Variants in SPAG16 observed in about 807,000 individuals in gnomAD.
SPAG16 encodes the protein sperm associated antigen 16.
A neutral mutation model predicts 80.4 loss-of-function variants in SPAG16; 86 were observed. The observed-to-expected ratio is 1.07, with a 90% CI of 0.90 to 1.28. The LOEUF (loss-of-function observed/expected upper bound fraction) is 1.28, where lower values mean the gene tolerates loss of function less well. Among genes scored for constraint, SPAG16 ranks in the 50% most tolerant of loss-of-function variants. SPAG16 has a pLI of 0.00. For synonymous variants in SPAG16, 294 were observed against 265.9 expected, an observed-to-expected ratio of 1.11 and a Z score of -1.03; for missense variants, 870 against 765.3, an observed-to-expected ratio of 1.14 and a Z score of -1.61.
intron 12 of SPAG16, among the ~76,000 whole-genome samples, chr2:213,939,300 C>T (rs1457923459): frequency 2.0e-5 from 3 of 152,158 alleles, no homozygotes; most frequent in Non-Finnish European, 4.4e-5. Context: ...AGACCCTTGC[C>T]CTTGTGGAGC....
chr2:213,375,505 T>A (rs964347543), intron 9 of SPAG16, among the ~76,000 whole-genome samples: 2 of 152,108 alleles, frequency 1.3e-5, no homozygotes, highest in African/African-American at 4.8e-5. Context: ...AAAGGTAGAA[T>A]GAAATAGCAT....
chr2:213,511,874 T>G (rs567615510), intron 10 of SPAG16, among the ~76,000 whole-genome samples: 1 of 151,336 alleles, frequency 6.6e-6, no homozygotes, highest in East Asian at 1.9e-4. Context: ...CAAAAGCATA[T>G]TTTTTTTCAA....
chr2:214,212,938 C>T (rs1442799514), intron 15 of SPAG16, among the ~76,000 whole-genome samples: 1 of 152,218 alleles, frequency 6.6e-6, no homozygotes, highest in African/African-American at 2.4e-5. Context: ...CTCACCTGCC[C>T]GTTAACCTCT....
chr2:214,352,105 A>G (rs892483343), intron 15 of SPAG16, among the ~76,000 whole-genome samples: 35 of 152,166 alleles, frequency 2.3e-4, no homozygotes, highest in African/African-American at 6.0e-4. Flanking sequence ...TAAGGTTCCT[A>G]TTGCCATTCG....
intron 5 of SPAG16, among the ~76,000 whole-genome samples, chr2:213,338,108 G>A (rs1559425284): frequency 1.3e-5 from 2 of 152,152 alleles, no homozygotes; most frequent in African/African-American, 2.4e-5. Context: ...TTCATATCTG[G>A]TCAAACTCAG....
intron 11 of SPAG16, among the ~76,000 whole-genome samples, chr2:213,864,743 A>G (rs2075619235): frequency 6.6e-6 from 1 of 152,104 alleles, no homozygotes; most frequent in African/African-American, 2.4e-5. Flanking sequence ...ATCTTCTGCA[A>G]TGATGACATA....
chr2:213,990,021 G>C (rs1361192312), intron 12 of SPAG16, among the ~76,000 whole-genome samples: 4 of 152,000 alleles, frequency 2.6e-5, no homozygotes, highest in Non-Finnish European at 4.4e-5. Context: ...TATTATTCCT[G>C]AGTGATTTCA....
At chr2:213,919,086 C>A (rs903937615) in intron 11 of SPAG16, among the ~76,000 whole-genome samples, 1 of 152,018 alleles carries the variant, frequency 6.6e-6, no homozygotes, top group Admixed American at 6.5e-5. Flanking sequence ...TTTCAAATAA[C>A]CATTGATTAT....
At chr2:213,793,674 C>T (rs906533548) in intron 10 of SPAG16, among the ~76,000 whole-genome samples, 3 of 152,172 alleles carry the variant, frequency 2.0e-5, no homozygotes, top group Admixed American at 6.5e-5. Flanking sequence ...AAATGAAATT[C>T]TCTAAAAGAT....
chr2:213,873,862 C>T (rs1322173984), intron 11 of SPAG16, among the ~76,000 whole-genome samples: 6 of 151,980 alleles, frequency 3.9e-5, no homozygotes, highest in South Asian at 2.1e-4. Flanking sequence ...AACATTGGAG[C>T]GTGTACTTAC....
At chr2:213,455,879 A>C (rs2071978483) in intron 9 of SPAG16, among the ~76,000 whole-genome samples, 2 of 152,170 alleles carry the variant, frequency 1.3e-5, no homozygotes, top group African/African-American at 4.8e-5. Flanking sequence ...TAGTCACCAG[A>C]ACAGGACACA....
At chr2:213,618,867 CT>C (rs1401383591) in intron 10 of SPAG16, among the ~76,000 whole-genome samples, 3 of 152,024 alleles carry the variant, frequency 2.0e-5, no homozygotes, top group Non-Finnish European at 4.4e-5. Flanking sequence ...AGATTCCCTG[CT>C]TTTCTTTTAG....
chr2:213,597,418 CCA>C (rs139081628), intron 10 of SPAG16, among the ~76,000 whole-genome samples: 3,766 of 152,094 alleles, frequency 0.025, 154 homozygotes, highest in African/African-American at 0.085. Flanking sequence ...TTCTTGCCAA[CCA>C]CAGTTCTACA....
chr2:213,967,075 T>G lies in SPAG16; in HGVS notation c.1400+36930T>G, dbSNP rs374275514. On this transcript the variant is annotated intron_variant, in intron 12 of 15. Transcript: ENST00000331683. ...ATAACTTAGTTCAATCTAATTCTAT[T>G]TTTTTCCTGTAAATTCAAGTAGTCA... is the stretch of plus-strand genomic sequence containing the variant. Among the ~76,000 whole-genome samples, 63 of 152,336 alleles carry G rather than the reference T, an allele frequency of 4.1e-4. 1 individual carries two copies. The South Asian group carries it at 0.012, about 29-fold the overall frequency.
chr2:213,498,545 C>T (rs975241009), intron 10 of SPAG16, among the ~76,000 whole-genome samples: 4 of 151,888 alleles, frequency 2.6e-5, no homozygotes, highest in African/African-American at 9.7e-5. Flanking sequence ...AATATTGATG[C>T]TCTGATTTCA....
intron 15 of SPAG16, among the ~76,000 whole-genome samples, chr2:214,252,918 G>A (rs1249388503): frequency 6.6e-6 from 1 of 152,072 alleles, no homozygotes; most frequent in Non-Finnish European, 1.5e-5. Flanking sequence ...CACCAACAGT[G>A]TAAAATTGTT....
Position 213,564,818 on chromosome 2 carries a change from T to G in SPAG16, c.1070+74728T>G, listed in dbSNP as rs1485232202. On this transcript the variant is annotated intron_variant, in intron 10 of 15. Transcript: ENST00000331683. Reference sequence around the variant, plus strand: ...ACTCTATTGACTACATGTTGTAGATTAGGAAACTGAACGTAAAACAATTAA... The same window carrying G: ...ACTCTATTGACTACATGTTGTAGATGAGGAAACTGAACGTAAAACAATTAA... Among the ~76,000 whole-genome samples, 3 of 152,268 alleles carry G rather than the reference T, an allele frequency of 2.0e-5. No homozygotes were observed. In the East Asian group the frequency reaches 5.8e-4, roughly 29 times the overall value.
At chr2:214,343,158 A>T (rs984118895) in intron 15 of SPAG16, among the ~76,000 whole-genome samples, 3 of 152,212 alleles carry the variant, frequency 2.0e-5, no homozygotes, top group Non-Finnish European at 2.9e-5. Context: ...GTACTACCAA[A>T]CATTAGTGGA....
At chr2:213,822,362 A>AT (rs1176447692) in intron 10 of SPAG16, among the ~76,000 whole-genome samples, 5 of 151,978 alleles carry the variant, frequency 3.3e-5, no homozygotes, top group African/African-American at 4.8e-5. Context: ...TATTTTGCCC[A>AT]TTTTTTTGAG....
Sources: gnomAD v4.1 joint callset for allele counts (sites outside exome capture counted in the v4.1 genomes callset) on GRCh38, gnomAD v4.1.1 for gene constraint, MANE v1.5 for transcripts, NCBI Gene and HGNC (gene_info 2026-07-23, HGNC 2026-07-21) for gene names.